FRAS1: variants seen among roughly 807,000 people sequenced by gnomAD.
The protein encoded by FRAS1 is Fraser extracellular matrix complex subunit 1, also known as extracellular matrix organizing protein FRAS1.
Under a neutral mutation model 435.2 loss-of-function variants are expected in FRAS1, and 290 were observed. That is an observed-to-expected ratio of 0.67 (90% CI 0.61 to 0.73). The LOEUF (loss-of-function observed/expected upper bound fraction) is 0.73, where lower values mean the gene tolerates loss of function less well. Ranked by LOEUF, FRAS1 falls within the 30% of genes least tolerant of loss-of-function variation. FRAS1 has a pLI of 0.00. For synonymous variants in FRAS1, 1,800 were observed against 1,851.0 expected (o/e 0.97, Z 0.71); for missense variants, 4,860 against 5,001.5 (o/e 0.97, Z 0.85).
At chr4:78,252,180 G>A (rs539597780) in intron 4 of FRAS1, among the ~76,000 whole-genome samples, 44 of 151,844 alleles carry the variant, frequency 2.9e-4, no homozygotes, top group East Asian at 1.7e-3. Flanking sequence ...AAAAATCTTC[G>A]CGGTAATAGA....
At chr4:78,418,009 C>CTTTTG (rs1733619653) in intron 32 of FRAS1, among the ~76,000 whole-genome samples, 1 of 152,236 alleles carries the variant, frequency 6.6e-6, no homozygotes, top group African/African-American at 2.4e-5. Flanking sequence ...CTGTCCCCAA[C>CTTTTG]CCACCACCAT....
chr4:78,188,320 A>ATCTG lies in FRAS1; in HGVS notation c.109-49187_109-49186insGTCT, dbSNP rs1560570760. On this transcript the variant is annotated intron_variant, in intron 2 of 73. Transcript: ENST00000512123. ...ATCTATCTATCTATCTATCTATCTA[A>ATCTG]TCTATCTATCTATATTTAGGTTGGT... Among the ~76,000 whole-genome samples the ATCTG allele has an allele frequency of 9.8e-3, 53 of 5,400 alleles. 1 individual carries two copies. The highest frequency in any genetic ancestry group is 0.011 in the African/African-American group (49 of 4,262). The allele number at this position is 5,400 out of a possible 152,430, so 3.5% of individuals were successfully genotyped here.
At chr4:78,061,330 A>C (rs1271601698) in intron 1 of FRAS1, among the ~76,000 whole-genome samples, 2 of 152,226 alleles carry the variant, frequency 1.3e-5, no homozygotes, top group Non-Finnish European at 2.9e-5. Flanking sequence ...TGAATCACAG[A>C]AACTCTACCA....
chr4:78,317,899 C>T (rs968535448), intron 17 of FRAS1, among the ~76,000 whole-genome samples: 2 of 152,178 alleles, frequency 1.3e-5, no homozygotes, highest in Admixed American at 6.5e-5. Flanking sequence ...GAGTCACTAG[C>T]GATGCCTCTG....
intron 49 of FRAS1, among the ~76,000 whole-genome samples, chr4:78,465,459 A>C (rs1352874495): frequency 6.6e-6 from 1 of 152,234 alleles, no homozygotes; most frequent in Non-Finnish European, 1.5e-5. Context: ...CTCTCTGAGG[A>C]GGTCATACTT....
chr4:78,417,704 G>A (rs1733606544), intron 32 of FRAS1, among the ~76,000 whole-genome samples: 1 of 152,130 alleles, frequency 6.6e-6, no homozygotes, highest in African/African-American at 2.4e-5. Context: ...CAATTACAAA[G>A]CAACTGCAAC....
intron 14 of FRAS1, among the ~76,000 whole-genome samples, chr4:78,289,512 T>C (rs771782278): frequency 1.3e-5 from 2 of 152,138 alleles, no homozygotes; most frequent in African/African-American, 2.4e-5. Flanking sequence ...AGATGTAGGT[T>C]GCCTTTTTTC....
chr4:78,115,992 C>G (rs1359525891), intron 2 of FRAS1, among the ~76,000 whole-genome samples: 1 of 152,196 alleles, frequency 6.6e-6, no homozygotes, highest in Non-Finnish European at 1.5e-5. Flanking sequence ...CGTCTACACA[C>G]TGCTTTTAAT....
intron 2 of FRAS1, among the ~76,000 whole-genome samples, chr4:78,089,850 G>A (rs74970559): frequency 0.024 from 3,535 of 149,224 alleles, 95 homozygotes; most frequent in South Asian, 0.098. Context: ...ACATCATTTC[G>A]CCACCCAGGT....
chr4:78,394,770 A>C (rs1048540377), intron 29 of FRAS1, among the ~76,000 whole-genome samples: 1 of 152,038 alleles, frequency 6.6e-6, no homozygotes, highest in Non-Finnish European at 1.5e-5. Context: ...CAGAGATGGC[A>C]TGAAATCTGT....
chr4:78,307,173 G>T (rs577139355), intron 14 of FRAS1, among the ~76,000 whole-genome samples: 1 of 152,338 alleles, frequency 6.6e-6, no homozygotes, highest in Admixed American at 6.5e-5. Flanking sequence ...TAGTTAGGCT[G>T]CTCGGGGGTC....
intron 2 of FRAS1, among the ~76,000 whole-genome samples, chr4:78,097,170 C>A (rs575904299): frequency 9.8e-5 from 15 of 152,340 alleles, no homozygotes; most frequent in African/African-American, 3.4e-4. Flanking sequence ...CAAGAGTCAC[C>A]TTTGCTCCAG....
At chr4:78,244,089 G>A (rs1725126557) in intron 3 of FRAS1, among the ~76,000 whole-genome samples, 2 of 152,064 alleles carry the variant, frequency 1.3e-5, no homozygotes, top group Non-Finnish European at 2.9e-5. Flanking sequence ...ATAGGAATTT[G>A]ATGATCACTT....
chr4:78,335,401 G>C (rs184417174), intron 19 of FRAS1, among the ~76,000 whole-genome samples: 16 of 152,256 alleles, frequency 1.1e-4, no homozygotes, highest in Admixed American at 1.0e-3. Context: ...TGTGTCAGCT[G>C]TCTTCTCCTG....
rs188328210 is a variant in FRAS1 at position 78,411,575 on chromosome 4, A to G, written c.4309-1394A>G. ...AAAGAAAGCATGCACATTCAGAGTCATTTTTTGGTGTGGGAAGGAGCCCTG... is the reference window on the plus strand; with the variant it reads ...AAAGAAAGCATGCACATTCAGAGTCGTTTTTTGGTGTGGGAAGGAGCCCTG... On this transcript the variant is annotated intron_variant, in intron 31 of 73. Transcript: ENST00000512123. Among the ~76,000 whole-genome samples the G allele has an allele frequency of 2.7e-3, 407 of 152,258 alleles. 6 individuals are homozygous for G. Among genetic ancestry groups the G allele is most frequent in the Non-Finnish European group, 3.4e-3 (228 of 68,022 alleles).
At chr4:78,211,531 G>A (rs1723503393) in intron 2 of FRAS1, among the ~76,000 whole-genome samples, 1 of 152,182 alleles carries the variant, frequency 6.6e-6, no homozygotes, top group Non-Finnish European at 1.5e-5. Flanking sequence ...GCAAGCATTT[G>A]TCTGAGCACC....
In FRAS1 at chr4:78,540,807, A is replaced by G. The variant is rs1290699673; in HGVS notation, c.11722A>G (p.Ser3908Gly). ...SLSQTGASIG[S>G]ALAAIMLLLL... ...GTCACAGACTGGGGCGTCCATTGGC[A>G]GTGCCCTGGCTGCAATCATGCTTCT... Residue 3908 changes from serine (S) to glycine (G), a missense_variant, in exon 74 of 74, where the codon AGT (serine) becomes GGT (glycine). Coordinates refer to ENST00000512123, the MANE Select transcript of FRAS1 (RefSeq NM_025074.7). 5.6e-6 allele frequency: 9 copies of G among 1,613,834 alleles called. No homozygotes were observed. The highest frequency in any genetic ancestry group is 7.6e-6 in the Non-Finnish European group (9 of 1,179,834).
At chr4:78,290,186 A>G (rs946706736) in intron 14 of FRAS1, among the ~76,000 whole-genome samples, 1 of 152,256 alleles carries the variant, frequency 6.6e-6, no homozygotes. Flanking sequence ...GGTTAAAATT[A>G]TAAGGTTACA....
intron 2 of FRAS1, among the ~76,000 whole-genome samples, chr4:78,218,090 A>ACT (rs376208393): frequency 0.14 from 1,971 of 14,496 alleles, 192 homozygotes; most frequent in African/African-American, 0.23. Context: ...TCTCTCTCTC[A>ACT]CTCTCTCTCA....
Sources: allele counts gnomAD v4.1 joint callset (sites outside exome capture counted in the v4.1 genomes callset), GRCh38; gene constraint gnomAD v4.1.1; transcripts MANE v1.5; gene names NCBI Gene and HGNC (gene_info 2026-07-23, HGNC 2026-07-21).